FBN2: variants seen among roughly 807,000 people sequenced by gnomAD.
FBN2 encodes the protein fibrillin 2.
FBN2 carries 105 observed loss-of-function variants against 355.6 expected under a neutral mutation model. The ratio of observed to expected loss-of-function variants is 0.30; its 90% confidence interval spans 0.25 to 0.35. FBN2 has a LOEUF of 0.35. Among genes scored for constraint, FBN2 ranks in the 10% least tolerant of loss-of-function variants. The pLI is 1.00. For synonymous variants in FBN2, 1,350 were observed against 1,301.2 expected (o/e 1.04, Z -0.81); for missense variants, 3,280 against 3,758.7 (o/e 0.87, Z 3.33).
At chr5:128,411,200 C>T (rs1322298267) in intron 7 of FBN2, among the ~76,000 whole-genome samples, 8 of 152,116 alleles carry the variant, frequency 5.3e-5, no homozygotes, top group African/African-American at 1.4e-4. Flanking sequence ...TACCAGCCCA[C>T]GGCAGTGTCT....
At chr5:128,286,330 C>T (rs1749144014) in intron 55 of FBN2, among the ~76,000 whole-genome samples, 1 of 152,122 alleles carries the variant, frequency 6.6e-6, no homozygotes, top group African/African-American at 2.4e-5. Context: ...ACAGATACAG[C>T]TAAAATCACC....
At chr5:128,533,669 G>A (rs771714224) in intron 2 of FBN2, among the ~76,000 whole-genome samples, 14 of 152,084 alleles carry the variant, frequency 9.2e-5, no homozygotes, top group Non-Finnish European at 1.9e-4. Context: ...TGGGTTCAGT[G>A]TTTTCATTTG....
chr5:128,489,911 A>C (rs1755454222), intron 5 of FBN2, among the ~76,000 whole-genome samples: 1 of 152,324 alleles, frequency 6.6e-6, no homozygotes, highest in South Asian at 2.1e-4. Flanking sequence ...ACATCTACGG[A>C]TGTACTATAG....
chr5:128,343,882 C>T (rs888921507), intron 25 of FBN2, among the ~76,000 whole-genome samples: 1 of 152,074 alleles, frequency 6.6e-6, no homozygotes, highest in African/African-American at 2.4e-5. Context: ...TTTTGCAGTT[C>T]TCTCACAACG....
At chr5:128,488,559 G>C (rs1249054245) in intron 5 of FBN2, among the ~76,000 whole-genome samples, 1 of 151,740 alleles carries the variant, frequency 6.6e-6, no homozygotes, top group Non-Finnish European at 1.5e-5. Flanking sequence ...GTGCAGCTTA[G>C]TTACATATGC....
chr5:128,508,975 T>C (rs1299416995), intron 5 of FBN2, among the ~76,000 whole-genome samples: 2 of 152,106 alleles, frequency 1.3e-5, no homozygotes, highest in Non-Finnish European at 2.9e-5. Context: ...ATTTTTATCT[T>C]CTTTTCCTCT....
At chr5:128,430,872 A>G (rs1205723879) in intron 7 of FBN2, among the ~76,000 whole-genome samples, 1 of 151,430 alleles carries the variant, frequency 6.6e-6, no homozygotes, top group Non-Finnish European at 1.5e-5. Flanking sequence ...ATAAATAAAT[A>G]AATAAATAAA....
At chr5:128,387,535 G>C (rs1040540564) in intron 11 of FBN2, among the ~76,000 whole-genome samples, 1 of 151,844 alleles carries the variant, frequency 6.6e-6, no homozygotes, top group Non-Finnish European at 1.5e-5. Context: ...TATTTTTTTA[G>C]TTCCTCCAGG....
intron 5 of FBN2, among the ~76,000 whole-genome samples, chr5:128,513,519 A>C (rs985395587): frequency 5.9e-5 from 9 of 152,268 alleles, no homozygotes; most frequent in African/African-American, 9.6e-5. Context: ...CCAAAATCAA[A>C]GAAAGAGCTG....
At position 128,393,184 on chromosome 5, in the gene FBN2, C is replaced by G. The variant is rs1369208739; in HGVS notation, c.1416G>C (p.Gly472=). The part of the protein sequence containing the change: ...PGGNGFSPGV[G]GAGVGAGGQG... ...GTCCCCCGGCCCCCACACCGGCTCC[C>G]CCAACGCCAGGAGAAAAGCCATTGC... The change falls in exon 10 of 65, where the codon GGG becomes GGC. Residue 472 remains glycine, a synonymous_variant. Transcript: ENST00000262464. 1 of 1,614,098 alleles carries G rather than the reference C, an allele frequency of 6.2e-7. No individual in the cohort carries two copies. Among genetic ancestry groups the G allele is most frequent in the African/African-American group, 1.3e-5 (1 of 74,934 alleles).
intron 6 of FBN2, among the ~76,000 whole-genome samples, chr5:128,449,400 G>A (rs368891257): frequency 0.011 from 1,068 of 96,554 alleles, 23 homozygotes; most frequent in African/African-American, 0.058. Flanking sequence ...ATAGTATACT[G>A]TATAATTATA....
At chr5:128,287,262 A>G (rs1749180309) in intron 54 of FBN2, 46 bp downstream of exon 54, 2 of 1,605,308 alleles carry the variant, frequency 1.2e-6, no homozygotes, top group Admixed American at 1.7e-5. Context: ...ATGTATCTCC[A>G]GCATGACAAA....
chr5:128,416,599 CAG>C (rs1753206096), intron 7 of FBN2, among the ~76,000 whole-genome samples: 1 of 152,160 alleles, frequency 6.6e-6, no homozygotes, highest in African/African-American at 2.4e-5. Flanking sequence ...TGGTGAGAGA[CAG>C]GGGTCTAGTT....
chr5:128,457,842 C>CA (rs560905143), intron 6 of FBN2, among the ~76,000 whole-genome samples: 2,208 of 125,200 alleles, frequency 0.018, 25 homozygotes, highest in East Asian at 0.033. Context: ...CCAGACACTG[C>CA]AAAAAAAAAA....
At chr5:128,466,139 CA>C (rs1754704481) in intron 5 of FBN2, among the ~76,000 whole-genome samples, 1 of 152,126 alleles carries the variant, frequency 6.6e-6, no homozygotes, top group Non-Finnish European at 1.5e-5. Context: ...TTGAGAGATA[CA>C]AGAAATCAGA....
At chr5:128,506,873 AT>A (rs1351672029) in intron 5 of FBN2, among the ~76,000 whole-genome samples, 1 of 152,046 alleles carries the variant, frequency 6.6e-6, no homozygotes, top group African/African-American at 2.4e-5. Context: ...GAACACTCTG[AT>A]TTTTTAGAAT....
At chr5:128,413,107 C>T (rs1366947389) in intron 7 of FBN2, among the ~76,000 whole-genome samples, 1 of 152,062 alleles carries the variant, frequency 6.6e-6, no homozygotes, top group Non-Finnish European at 1.5e-5. Context: ...TTGAGAGAAA[C>T]CAGTAAAAAT....
intron 11 of FBN2, among the ~76,000 whole-genome samples, chr5:128,379,571 T>C (rs1752175473): frequency 6.6e-6 from 1 of 152,116 alleles, no homozygotes; most frequent in South Asian, 2.1e-4. Context: ...CAAATACTAG[T>C]CGTGACCAAA....
chr5:128,401,786 A>G lies in FBN2; in HGVS notation c.1079-6512T>C, dbSNP rs73345291. Among the ~76,000 whole-genome samples, 1,120 of 152,248 alleles carry G rather than the reference A, an allele frequency of 7.4e-3. 14 individuals carry two copies. Among genetic ancestry groups the G allele is most frequent in the African/African-American group, 0.025 (1,041 of 41,534 alleles). ...CAAAGCAAGATTCCGTCTCAAAGAA[A>G]AAATAATACTAATAATAACCATTGT... On this transcript the variant is annotated intron_variant, in intron 8 of 64. Coordinates refer to ENST00000262464, the MANE Select transcript of FBN2 (RefSeq NM_001999.4).
Sources: gnomAD v4.1 joint callset for allele counts (sites outside exome capture counted in the v4.1 genomes callset) on GRCh38, gnomAD v4.1.1 for gene constraint, MANE v1.5 for transcripts, NCBI Gene and HGNC (gene_info 2026-07-23, HGNC 2026-07-21) for gene names.